Variants in SWT1 observed in about 807,000 individuals in gnomAD.
SWT1 encodes transcriptional protein SWT1.
A neutral mutation model predicts 107.3 loss-of-function variants in SWT1; 33 were observed. That is an observed-to-expected ratio of 0.31 (90% CI 0.23 to 0.41). The LOEUF (loss-of-function observed/expected upper bound fraction) is 0.41, where lower values mean the gene tolerates loss of function less well. Among genes scored for constraint, SWT1 ranks in the 10% least tolerant of loss-of-function variants. The pLI is 1.00. For synonymous variants in SWT1, 345 were observed against 348.3 expected, an observed-to-expected ratio of 0.99 and a Z score of 0.11; for missense variants, 898 against 1,028.9, an observed-to-expected ratio of 0.87 and a Z score of 1.74.
intron 16 of SWT1, among the ~76,000 whole-genome samples, chr1:185,255,876 T>G (rs982060383): frequency 4.0e-5 from 6 of 150,968 alleles, no homozygotes; most frequent in South Asian, 2.1e-4. Context: ...TTCCTAGTCT[T>G]GATGGTCTTT....
chr1:185,278,302 G>A (rs1273914450), intron 18 of SWT1, among the ~76,000 whole-genome samples: 1 of 152,174 alleles, frequency 6.6e-6, no homozygotes, highest in African/African-American at 2.4e-5. Context: ...CAGAGCATTG[G>A]CTAATTCCTT....
intron 16 of SWT1, among the ~76,000 whole-genome samples, chr1:185,235,903 A>G (rs111820291): frequency 1.8e-4 from 27 of 151,762 alleles, no homozygotes; most frequent in African/African-American, 6.5e-4. Flanking sequence ...TTCCTTTACA[A>G]TAATAACAAA....
intron 13 of SWT1, among the ~76,000 whole-genome samples, chr1:185,212,803 C>A (rs1252355366): frequency 1.7e-3 from 216 of 130,200 alleles, no homozygotes; most frequent in African/African-American, 1.8e-3. Context: ...AACTCTGTCT[C>A]AAAAAAAAAA....
At chr1:185,229,532 G>A (rs193140112) in intron 15 of SWT1, among the ~76,000 whole-genome samples, 1 of 151,648 alleles carries the variant, frequency 6.6e-6, no homozygotes, top group African/African-American at 2.4e-5. Context: ...TGGAATGATG[G>A]TATCTAGTAT....
At chr1:185,161,241 G>A (rs959970468) in intron 2 of SWT1, among the ~76,000 whole-genome samples, 4 of 152,130 alleles carry the variant, frequency 2.6e-5, no homozygotes, top group Non-Finnish European at 4.4e-5. Context: ...CATTCTTAGC[G>A]ATAACTCAAC....
Position 185,160,814 on chromosome 1 carries a change from T to A in SWT1, c.-9-19T>A. The stretch of plus-strand genomic sequence containing the variant: ...TTTGAGTGCAAAAACAAATCCTATA[T>A]TTTTAATGTTTATGTTAGCTTTTCA... On this transcript the variant is annotated intron_variant, in intron 1 of 18. Coordinates refer to ENST00000367500, the MANE Select transcript of SWT1 (RefSeq NM_017673.7). 1 of 1,568,684 alleles carries A rather than the reference T, an allele frequency of 6.4e-7. No homozygotes were observed. Among genetic ancestry groups the A allele is most frequent in the Middle Eastern group, 1.7e-4 (1 of 5,898 alleles).
chr1:185,214,270 T>G (rs2102498851), intron 13 of SWT1, among the ~76,000 whole-genome samples: 1 of 152,260 alleles, frequency 6.6e-6, no homozygotes, highest in Admixed American at 6.5e-5. Flanking sequence ...AAGTTGACCG[T>G]GCTGACAGAA....
At chr1:185,257,247 C>G (rs367972158) in intron 16 of SWT1, among the ~76,000 whole-genome samples, 5,936 of 152,102 alleles carry the variant, frequency 0.039, 281 homozygotes, top group African/African-American at 0.096. Flanking sequence ...TGTCTGTGCC[C>G]TGCCCCCAGA....
At chr1:185,215,039 A>G (rs1659108057) in intron 14 of SWT1, among the ~76,000 whole-genome samples, 1 of 152,112 alleles carries the variant, frequency 6.6e-6, no homozygotes, top group South Asian at 2.1e-4. Context: ...TATTGAATCT[A>G]TTTTTTGACA....
At chr1:185,228,190 CATATATATAT>C (rs66669113) in intron 15 of SWT1, among the ~76,000 whole-genome samples, 2 of 82,322 alleles carry the variant, frequency 2.4e-5, no homozygotes, top group East Asian at 2.7e-4. Context: ...TATATATATA[CATATATATAT>C]ACTCAGTATG....
intron 1 of SWT1, among the ~76,000 whole-genome samples, chr1:185,157,858 A>G (rs930944868): frequency 6.6e-6 from 1 of 152,070 alleles, no homozygotes; most frequent in Admixed American, 6.6e-5. Flanking sequence ...TCAGATCCCC[A>G]AAACATATGC....
At chr1:185,255,005 A>C (rs1261321696) in intron 16 of SWT1, among the ~76,000 whole-genome samples, 1 of 151,940 alleles carries the variant, frequency 6.6e-6, no homozygotes, top group Non-Finnish European at 1.5e-5. Context: ...GTTTCAAAGA[A>C]CATCTTTATT....
At chr1:185,227,490 C>G in intron 15 of SWT1, 1 of 564,540 alleles carries the variant, frequency 1.8e-6, no homozygotes, top group Non-Finnish European at 3.3e-6. Flanking sequence ...TCATATCCCT[C>G]TCTATACGAG....
intron 16 of SWT1, among the ~76,000 whole-genome samples, chr1:185,261,898 A>G (rs1228798209): frequency 8.5e-5 from 13 of 152,146 alleles, no homozygotes; most frequent in African/African-American, 2.9e-4. Context: ...TCTATTGTCA[A>G]AAGTCTCTGC....
At chr1:185,232,342 A>G (rs1660562480) in intron 16 of SWT1, among the ~76,000 whole-genome samples, 1 of 152,086 alleles carries the variant, frequency 6.6e-6, no homozygotes, top group East Asian at 1.9e-4. Flanking sequence ...CTGTGTAAAA[A>G]CTTCTGTTCA....
rs1665100196 is a variant in SWT1 at position 185,288,955 on chromosome 1, G to C, written c.2574-1719G>C. ...AAGCACTCCCTGCTTCCCCACCCTTGGTTTAAGGTTACTAACATTCCTTTG... is the reference window on the plus strand; with the variant it reads ...AAGCACTCCCTGCTTCCCCACCCTTCGTTTAAGGTTACTAACATTCCTTTG... On this transcript the variant is annotated intron_variant, in intron 18 of 18. Transcript: ENST00000367500. Among the ~76,000 whole-genome samples, 3 of 152,180 alleles carry C rather than the reference G, an allele frequency of 2.0e-5. No homozygotes were observed. The South Asian group carries it at 6.2e-4, about 32-fold the overall frequency.
intron 15 of SWT1, among the ~76,000 whole-genome samples, 178 bp from the exon 16 acceptor site, chr1:185,231,399 G>A (rs2102569518): frequency 6.6e-6 from 1 of 152,218 alleles, no homozygotes; most frequent in Middle Eastern, 3.4e-3. Flanking sequence ...TCCTTTACAT[G>A]AATCTTATCC....
At chr1:185,261,233 C>T (rs771001370) in intron 16 of SWT1, among the ~76,000 whole-genome samples, 4 of 152,054 alleles carry the variant, frequency 2.6e-5, no homozygotes, top group African/African-American at 4.8e-5. Flanking sequence ...CTTTAGGTAC[C>T]TAATATGAGT....
At chr1:185,269,158 TTTG>T (rs1663648845) in intron 16 of SWT1, among the ~76,000 whole-genome samples, 3 of 152,200 alleles carry the variant, frequency 2.0e-5, no homozygotes, top group Admixed American at 1.3e-4. Context: ...GGCCTGATAG[TTTG>T]TTTTCACTTG....
Sources: allele counts gnomAD v4.1 joint callset (sites outside exome capture counted in the v4.1 genomes callset), GRCh38; gene constraint gnomAD v4.1.1; transcripts MANE v1.5; gene names NCBI Gene and HGNC (gene_info 2026-07-23, HGNC 2026-07-21).